Variants in MAOA observed in about 807,000 individuals in gnomAD.
MAOA encodes monoamine oxidase A, also known as amine oxidase [flavin-containing] A.
In MAOA, 6 loss-of-function variants were observed where a neutral mutation model predicts 42.0. The ratio of observed to expected loss-of-function variants is 0.14; its 90% confidence interval spans 0.08 to 0.28. The LOEUF is 0.28. Among genes scored for constraint, MAOA ranks in the 10% least tolerant of loss-of-function variants. MAOA has a pLI of 1.00. For missense variants in MAOA, 262 were observed against 422.3 expected, an observed-to-expected ratio of 0.62 and a Z score of 3.33; for synonymous variants, 140 against 154.0, an observed-to-expected ratio of 0.91 and a Z score of 0.67.
intron 1 of MAOA, among the ~76,000 whole-genome samples, chrX:43,670,479 G>T (rs2033319978): frequency 9.3e-6 from 1 of 107,924 alleles, no homozygotes; most frequent in South Asian, 4.2e-4. Flanking sequence ...TAAGTTTTAG[G>T]GTACATGTGC....
Position 43,744,090 on chromosome X carries a change from C to T in MAOA, c.1375-19C>T. On this transcript the variant is annotated intron_variant, in intron 13 of 14. Transcript: ENST00000338702. The stretch of plus-strand genomic sequence containing the variant: ...ACTATACAGCCTCTTTTCATAATAC[C>T]ATGGTGACTTTCTTTCAGGTCTTAA... 2 of 1,205,654 alleles carry T rather than the reference C, an allele frequency of 1.7e-6. No individual in the cohort carries two copies. Among genetic ancestry groups the T allele is most frequent in the Non-Finnish European group, 2.2e-6 (2 of 890,450 alleles).
rs749805907 is a variant in MAOA at position 43,721,140 on chromosome X, A to G, written c.504-7033A>G. Among the ~76,000 whole-genome samples, 179 of 111,104 alleles carry G rather than the reference A, an allele frequency of 1.6e-3. 1 individual carries two copies. Among genetic ancestry groups the G allele is most frequent in the African/African-American group, 5.8e-3 (177 of 30,518 alleles). ...GATAGGAAAGGTTGGATGATGTGGG[A>G]AGAATGGTATCTTTCAAGAATGACT... is the stretch of plus-strand genomic sequence containing the variant. On this transcript the variant is annotated intron_variant, in intron 5 of 14. Coordinates refer to ENST00000338702, the MANE Select transcript of MAOA (RefSeq NM_000240.4).
intron 4 of MAOA, 121 bp from the exon 5 acceptor site, chrX:43,712,584 G>T: frequency 1.9e-6 from 1 of 525,777 alleles, no homozygotes. Flanking sequence ...AGAATTCTAT[G>T]CCAATCACAC....
At chrX:43,681,918 G>GT (rs1170910682) in intron 1 of MAOA, among the ~76,000 whole-genome samples, 1 of 94,939 alleles carries the variant, frequency 1.1e-5, no homozygotes, top group Non-Finnish European at 2.1e-5. Flanking sequence ...GTCTTGCTCT[G>GT]TTGCCCAGGC....
At chrX:43,699,641 C>A (rs1216718278) in intron 3 of MAOA, among the ~76,000 whole-genome samples, 1 of 110,970 alleles carries the variant, frequency 9.0e-6, no homozygotes, top group Non-Finnish European at 1.9e-5. Context: ...AACAGCTCAG[C>A]AAGAATTTTT....
In MAOA at chrX:43,665,904, C is replaced by T. The variant is rs750472749; in HGVS notation, c.73+9490C>T. Among the ~76,000 whole-genome samples the T allele has an allele frequency of 9.0e-5, 10 of 111,700 alleles. No individual in the cohort carries two copies. In the East Asian group the frequency reaches 2.8e-3, roughly 32 times the overall value. On this transcript the variant is annotated intron_variant, in intron 1 of 14. Transcript: ENST00000338702. ...GCAAGTTTGTGTGTATATTGATATT[C>T]TCTGTTGTCTTCTGCCAAAAAGCAC...
intron 1 of MAOA, among the ~76,000 whole-genome samples, chrX:43,672,628 A>C (rs941931994): frequency 9.0e-6 from 1 of 111,528 alleles, no homozygotes; most frequent in Non-Finnish European, 1.9e-5. Context: ...ATCAATACCT[A>C]ATTTATTGAG....
chrX:43,675,320 G>A (rs1274174247), intron 1 of MAOA, among the ~76,000 whole-genome samples: 2 of 111,546 alleles, frequency 1.8e-5, no homozygotes, highest in East Asian at 5.6e-4. Flanking sequence ...CTCTGTATTG[G>A]TTATTCTAGT....
At chrX:43,657,994 T>G (rs888197374) in intron 1 of MAOA, 1 of 624,200 alleles carries the variant, frequency 1.6e-6, no homozygotes, top group African/African-American at 2.5e-5. Context: ...TATTTCAGCT[T>G]GTTTCTCTTT....
intron 1 of MAOA, among the ~76,000 whole-genome samples, chrX:43,679,020 C>T (rs1478981500): frequency 9.0e-6 from 1 of 111,708 alleles, no homozygotes; most frequent in African/African-American, 3.3e-5. Context: ...TCCTAAATAA[C>T]TTAAACCTTA....
intron 1 of MAOA, among the ~76,000 whole-genome samples, chrX:43,676,691 G>A (rs1387088099): frequency 9.0e-6 from 1 of 111,161 alleles, no homozygotes; most frequent in African/African-American, 3.3e-5. Flanking sequence ...ACTATGCTAG[G>A]CTCTGGAGAT....
intron 6 of MAOA, 91 bp downstream of exon 6, chrX:43,728,405 T>G (rs2033856175): frequency 3.1e-6 from 3 of 964,119 alleles, no homozygotes; most frequent in Non-Finnish European, 4.4e-6. Flanking sequence ...TGCTTCAGGA[T>G]TTTGAAACAT....
rs753470468 is a variant in MAOA at position 43,657,959 on chromosome X, C to G, written c.73+1545C>G. On this transcript the variant is annotated intron_variant, in intron 1 of 14. Transcript: ENST00000338702. ...GTTGGAGCATCAGAGGAAAGCAGCTCCTGGTGGAGAGTAAGAAAAAGGAGT... is the reference window on the plus strand; with the variant it reads ...GTTGGAGCATCAGAGGAAAGCAGCTGCTGGTGGAGAGTAAGAAAAAGGAGT... The G allele has an allele frequency of 1.9e-5, 14 of 734,815 alleles. No individual in the cohort carries two copies. The East Asian group carries it at 1.9e-3, about 97-fold the overall frequency. 60.6% of individuals were successfully genotyped at this position (734,815 alleles called of 1,213,427 possible).
chrX:43,723,205 G>T (rs2033805449), intron 5 of MAOA, among the ~76,000 whole-genome samples: 1 of 111,519 alleles, frequency 9.0e-6, no homozygotes, highest in South Asian at 3.8e-4. Context: ...GTTTAAAGTA[G>T]TTTTTTCCAA....
At chrX:43,719,149 A>G (rs768670488) in intron 5 of MAOA, among the ~76,000 whole-genome samples, 5 of 111,123 alleles carry the variant, frequency 4.5e-5, no homozygotes, top group Non-Finnish European at 9.5e-5. Flanking sequence ...GTGTGACAGT[A>G]TCTTTCAGGA....
At chrX:43,731,550 T>C in intron 7 of MAOA, 144 bp from the exon 8 acceptor site, 1 of 851,915 alleles carries the variant, frequency 1.2e-6, no homozygotes, top group Non-Finnish European at 1.7e-6. Flanking sequence ...TGATCTGTTT[T>C]GTTGCCTCAC....
chrX:43,672,772 C>G (rs757720765), intron 1 of MAOA, among the ~76,000 whole-genome samples: 165 of 111,328 alleles, frequency 1.5e-3, no homozygotes, highest in African/African-American at 5.2e-3. Flanking sequence ...ATTGAACCAG[C>G]CTTGCATCCC....
intron 9 of MAOA, 133 bp downstream of exon 9, chrX:43,732,928 A>G: frequency 9.6e-6 from 5 of 521,524 alleles, no homozygotes; most frequent in Non-Finnish European, 1.7e-5. Flanking sequence ...TAATGTTTCC[A>G]TGTGTTAAAA....
At chrX:43,677,805 G>T (rs2033412384) in intron 1 of MAOA, among the ~76,000 whole-genome samples, 1 of 111,476 alleles carries the variant, frequency 9.0e-6, no homozygotes, top group Admixed American at 9.6e-5. Flanking sequence ...AAAACCACAG[G>T]ATACTCAGGA....
Sources: allele counts gnomAD v4.1 joint callset (sites outside exome capture counted in the v4.1 genomes callset), GRCh38; gene constraint gnomAD v4.1.1; transcripts MANE v1.5; gene names NCBI Gene and HGNC (gene_info 2026-07-23, HGNC 2026-07-21).